ERCC8: variants seen among roughly 807,000 people sequenced by gnomAD.
The protein encoded by ERCC8 is DNA excision repair protein ERCC-8.
A neutral mutation model predicts 54.9 loss-of-function variants in ERCC8; 52 were observed. The ratio of observed to expected loss-of-function variants is 0.95; its 90% CI spans 0.76 to 1.19. The LOEUF (loss-of-function observed/expected upper bound fraction) is 1.19, where lower values mean the gene tolerates loss of function less well. ERCC8 is among the 50% of genes most tolerant of loss of function. The pLI, the probability that ERCC8 is intolerant of heterozygous loss-of-function variation, is 0.00. For missense variants in ERCC8, 514 were observed against 466.1 expected (o/e 1.10, Z -0.95); for synonymous variants, 146 against 157.2 (o/e 0.93, Z 0.53).
intron 1 of ERCC8, among the ~76,000 whole-genome samples, chr5:60,930,483 G>A (rs185265776): frequency 1.3e-5 from 2 of 151,716 alleles, no homozygotes; most frequent in East Asian, 3.9e-4. Flanking sequence ...CTTCAACCTG[G>A]GAGGCGGAGG....
intron 11 of ERCC8, among the ~76,000 whole-genome samples, chr5:60,879,001 C>A (rs1441821022): frequency 1.3e-5 from 2 of 152,068 alleles, no homozygotes; most frequent in African/African-American, 4.8e-5. Context: ...CTCTTGTGGG[C>A]ATTTAGTGCT....
At chr5:60,883,995 A>T (rs1281738159) in intron 11 of ERCC8, among the ~76,000 whole-genome samples, 1 of 152,216 alleles carries the variant, frequency 6.6e-6, no homozygotes, top group East Asian at 1.9e-4. Context: ...ATATCAGGAG[A>T]AACACCCCTA....
At chr5:60,900,425 T>G (rs956647252) in intron 7 of ERCC8, among the ~76,000 whole-genome samples, 14 of 152,032 alleles carry the variant, frequency 9.2e-5, no homozygotes, top group African/African-American at 3.1e-4. Flanking sequence ...TCAGTTCAAC[T>G]GATGCTATCA....
chr5:60,900,204 G>A (rs1189234276), intron 7 of ERCC8, among the ~76,000 whole-genome samples: 1 of 151,836 alleles, frequency 6.6e-6, no homozygotes, highest in Non-Finnish European at 1.5e-5. Context: ...TGAATAATGA[G>A]GACAATGCAT....
At chr5:60,885,410 T>C (rs1748366532) in intron 11 of ERCC8, among the ~76,000 whole-genome samples, 1 of 152,186 alleles carries the variant, frequency 6.6e-6, no homozygotes, top group African/African-American at 2.4e-5. Context: ...ATTTTTACTG[T>C]TTTCATTTGG....
intron 1 of ERCC8, among the ~76,000 whole-genome samples, chr5:60,931,849 ACAGTAAGAAGCATGGCTCC>A (rs1454273968): frequency 5.9e-5 from 9 of 152,074 alleles, no homozygotes; most frequent in African/African-American, 1.9e-4. Context: ...CCTCTTCCTA[ACAGTAAGAAGCATGGCTCC>A]CAGTAAGAAG....
chr5:60,942,696 TG>T (rs1178425989), intron 1 of ERCC8, among the ~76,000 whole-genome samples: 1 of 152,208 alleles, frequency 6.6e-6, no homozygotes, highest in Non-Finnish European at 1.5e-5. Context: ...TTTAGGGTTA[TG>T]GATGTTCTCT....
chr5:60,938,349 AATTTTTTTT>A (rs1217055872), intron 1 of ERCC8, among the ~76,000 whole-genome samples: 1 of 108,768 alleles, frequency 9.2e-6, no homozygotes, highest in Non-Finnish European at 1.7e-5. Flanking sequence ...TACCTTTTTG[AATTTTTTTT>A]TTTTTTTTTT....
At chr5:60,903,833 T>C (rs1335162095) in intron 5 of ERCC8, 117 bp from the exon 6 acceptor site, 6 of 965,946 alleles carry the variant, frequency 6.2e-6, no homozygotes, top group Non-Finnish European at 7.9e-6. Context: ...AATATGAAGA[T>C]ATATGCCAAA....
Position 60,869,208 on chromosome 5 carries a change from T to C in ERCC8, c.*5407A>G, listed in dbSNP as rs1234442274. ...TTTTATAGAAATAACAAAGTATTAGTATATTACTCAACAGTAATGAAATAT... is the reference window on the plus strand; with the variant it reads ...TTTTATAGAAATAACAAAGTATTAGCATATTACTCAACAGTAATGAAATAT... On this transcript the variant is annotated 3_prime_UTR_variant, in exon 12 of 12. Coordinates refer to ENST00000676185, the MANE Select transcript of ERCC8 (RefSeq NM_000082.4). 6.6e-6 allele frequency among the ~76,000 whole-genome samples: 1 copy of C among 152,224 alleles called. No individual in the cohort carries two copies. Among genetic ancestry groups the C allele is most frequent in the African/African-American group, 2.4e-5 (1 of 41,464 alleles).
rs1747849507 is a variant in ERCC8, at chr5:60,870,908, A to T, written c.*3707T>A. On this transcript the variant is annotated 3_prime_UTR_variant, in exon 12 of 12. Transcript: ENST00000676185. ...CGAGATTAAGAAACTGTAAGTTTTT[A>T]CTTTTTTCTTTTAAACCTCAGTTTA... Among the ~76,000 whole-genome samples, 1 of 152,170 alleles carries T rather than the reference A, an allele frequency of 6.6e-6. No homozygotes were observed. Among genetic ancestry groups the T allele is most frequent in the Non-Finnish European group, 1.5e-5 (1 of 68,012 alleles).
chr5:60,909,392 A>G (rs1428665059), intron 4 of ERCC8, among the ~76,000 whole-genome samples: 1 of 152,100 alleles, frequency 6.6e-6, no homozygotes, highest in Non-Finnish European at 1.5e-5. Flanking sequence ...GAAATACAGC[A>G]GAACACACAA....
chr5:60,933,582 T>TA (rs1238491812), intron 1 of ERCC8, among the ~76,000 whole-genome samples: 1 of 152,178 alleles, frequency 6.6e-6, no homozygotes, highest in African/African-American at 2.4e-5. Flanking sequence ...TTTTAGAATT[T>TA]TTTATTTATC....
At chr5:60,882,137 G>A (rs577870442) in intron 11 of ERCC8, among the ~76,000 whole-genome samples, 21 of 152,008 alleles carry the variant, frequency 1.4e-4, no homozygotes, top group Non-Finnish European at 1.9e-4. Context: ...CACTGCGCCC[G>A]GCTTAGAAAC....
rs567929693 is a variant in ERCC8, at chr5:60,868,094, C to T, written c.*6521G>A. On this transcript the variant is annotated 3_prime_UTR_variant, in exon 12 of 12. Coordinates refer to ENST00000676185, the MANE Select transcript of ERCC8 (RefSeq NM_000082.4). ...ACTTGGGAGGCTGAGGCAGGAGAAT[C>T]GCTTGAACCCAGGAGGCGGAGGTTG... Among the ~76,000 whole-genome samples the T allele has an allele frequency of 3.6e-4, 55 of 152,302 alleles. No individual in the cohort carries two copies. The highest frequency in any genetic ancestry group is 5.1e-4 in the Non-Finnish European group (35 of 68,018).
intron 7 of ERCC8, among the ~76,000 whole-genome samples, chr5:60,901,883 T>A (rs1214486307): frequency 6.6e-6 from 1 of 152,068 alleles, no homozygotes; most frequent in Non-Finnish European, 1.5e-5. Context: ...AGTTAAGTGA[T>A]CCTGCTTTCT....
intron 8 of ERCC8, among the ~76,000 whole-genome samples, chr5:60,899,139 A>G (rs1748802654): frequency 6.6e-6 from 1 of 151,862 alleles, no homozygotes; most frequent in Non-Finnish European, 1.5e-5. Flanking sequence ...ATTCTAATAT[A>G]TTTCTGGTCC....
chr5:60,877,138 T>G (rs1194079840), intron 11 of ERCC8, among the ~76,000 whole-genome samples: 4 of 152,338 alleles, frequency 2.6e-5, no homozygotes, highest in Non-Finnish European at 5.9e-5. Flanking sequence ...AAATAGGGAA[T>G]CCTTTCTCCA....
At chr5:60,880,932 G>C (rs987631611) in intron 11 of ERCC8, among the ~76,000 whole-genome samples, 1 of 152,166 alleles carries the variant, frequency 6.6e-6, no homozygotes, top group Non-Finnish European at 1.5e-5. Flanking sequence ...TGGAGGAGGA[G>C]AGGTGCTCTG....
Sources: allele counts gnomAD v4.1 joint callset (sites outside exome capture counted in the v4.1 genomes callset), GRCh38; gene constraint gnomAD v4.1.1; transcripts MANE v1.5; gene names NCBI Gene and HGNC (gene_info 2026-07-23, HGNC 2026-07-21).